The following SEC14L5 variants were observed in gnomAD, a reference collection of about 807,000 sequenced individuals.
SEC14L5 encodes the protein SEC14 like lipid binding 5, also known as SEC14-like protein 5.
A neutral mutation model predicts 84.6 loss-of-function variants in SEC14L5; 96 were observed. That is an observed-to-expected ratio of 1.13 (90% confidence interval 0.96 to 1.34). SEC14L5 has a LOEUF of 1.34. Ranked by LOEUF, SEC14L5 falls within the 40% of genes most tolerant of loss-of-function variation. The pLI, the probability that SEC14L5 is intolerant of heterozygous loss-of-function variation, is 0.00. For missense variants in SEC14L5, 1,224 were observed against 942.5 expected, an observed-to-expected ratio of 1.30 and a Z score of -3.91; for synonymous variants, 546 against 383.4, an observed-to-expected ratio of 1.42 and a Z score of -4.95.
Position 5,007,381 on chromosome 16 carries a change from C to T in SEC14L5, c.1467C>T (p.Pro489=). ...ATGTCCCCGAAGGAGGGCTGGTCCC[C>T]AAGTCCCTCTACATGACAGAAGAGG... ...VCNVPEGGLV[P]KSLYMTEEEQ... The change falls in exon 13 of 16, where the codon CCC becomes CCT. Residue 489 remains proline (P), a synonymous_variant. Coordinates refer to ENST00000251170, the MANE Select transcript of SEC14L5 (RefSeq NM_014692.2). 1 of 1,613,824 alleles carries T rather than the reference C, an allele frequency of 6.2e-7. No individual in the cohort carries two copies. The highest frequency in any genetic ancestry group is 8.5e-7 in the Non-Finnish European group (1 of 1,179,802).
At chr16:5,006,298 A>G (rs1955731605) in intron 12 of SEC14L5, among the ~76,000 whole-genome samples, 1 of 152,318 alleles carries the variant, frequency 6.6e-6, no homozygotes, top group African/African-American at 2.4e-5. Flanking sequence ...AGTGAGATAG[A>G]AGTTTCTGGA....
Position 5,011,094 on chromosome 16 carries a change from G to C in SEC14L5, c.1801-1G>C. The C allele has an allele frequency of 6.3e-7, 1 of 1,595,652 alleles. No homozygotes were observed. Among genetic ancestry groups the C allele is most frequent in the Non-Finnish European group, 8.5e-7 (1 of 1,171,504 alleles). On this transcript the variant is annotated splice_acceptor_variant, in intron 14 of 15. Transcript: ENST00000251170. LOFTEE classifies it high-confidence loss of function. ...CTCAGGGCAGGGCTGATGTGTTTCA[G>C]GGCTCCCATGTGACCCGGTGGCCCG...
intron 5 of SEC14L5, 63 bp downstream of exon 5, chr16:4,990,958 C>T (rs899903336): frequency 2.5e-5 from 35 of 1,391,434 alleles, no homozygotes; most frequent in Non-Finnish European, 3.2e-5. Flanking sequence ...CCATCAACAG[C>T]TGCATGACCC....
intron 5 of SEC14L5, 127 bp from the exon 6 acceptor site, chr16:4,991,711 C>G (rs962325046): frequency 3.6e-6 from 2 of 559,556 alleles, no homozygotes; most frequent in African/African-American, 3.9e-5. Flanking sequence ...CAGACACATC[C>G]AGCCACTCAA....
chr16:4,999,009 G>A (rs891425104), intron 8 of SEC14L5, among the ~76,000 whole-genome samples: 1 of 152,190 alleles, frequency 6.6e-6, no homozygotes, highest in Non-Finnish European at 1.5e-5. Context: ...TGCTGAAGTT[G>A]AATGACGCGG....
At chr16:4,992,412 G>A (rs1036747183) in intron 6 of SEC14L5, among the ~76,000 whole-genome samples, 1 of 152,032 alleles carries the variant, frequency 6.6e-6, no homozygotes, top group Non-Finnish European at 1.5e-5. Flanking sequence ...CACCACACCC[G>A]GCCAATTTTT....
chr16:5,018,446 C>T lies in SEC14L5; in HGVS notation c.*3476C>T, dbSNP rs2270258. 0.22 allele frequency: 33,974 copies of T among 152,078 alleles called. 4,723 individuals carry two copies. The highest frequency in any genetic ancestry group is 0.34 in the Admixed American group (5,232 of 15,270). 9.4% of individuals were successfully genotyped at this position (152,078 alleles called of 1,614,324 possible). ...CTTTGGGAGGCTGAGGCCGGCTGATCGCTTGAGTGCAGGAGTTCAAGACCA... is the reference window on the plus strand; with the variant it reads ...CTTTGGGAGGCTGAGGCCGGCTGATTGCTTGAGTGCAGGAGTTCAAGACCA... On this transcript the variant is annotated 3_prime_UTR_variant, in exon 16 of 16. Transcript: ENST00000251170.
intron 11 of SEC14L5, 51 bp downstream of exon 11, chr16:5,003,624 G>GCCA: frequency 3.3e-6 from 1 of 305,312 alleles, no homozygotes; most frequent in Non-Finnish European, 6.5e-6. Flanking sequence ...GGTGGGATGG[G>GCCA]AGGGGTTCCG....
chr16:4,974,284 T>C (rs1354696580), intron 2 of SEC14L5, among the ~76,000 whole-genome samples: 1 of 151,570 alleles, frequency 6.6e-6, no homozygotes, highest in African/African-American at 2.4e-5. Context: ...GGCAGGATCA[T>C]AGCTCACTGC....
At position 4,990,856 on chromosome 16, in the gene SEC14L5, G is replaced by A. The variant is rs1438807499; in HGVS notation, c.435G>A (p.Glu145=). 1 of 1,610,764 alleles carries A rather than the reference G, an allele frequency of 6.2e-7. No individual in the cohort carries two copies. The highest frequency in any genetic ancestry group is 1.7e-5 in the Admixed American group (1 of 59,652). The change falls in exon 5 of 16, where the codon GAG becomes GAA. Residue 145 remains glutamate, a synonymous_variant. Coordinates refer to ENST00000251170, the MANE Select transcript of SEC14L5 (RefSeq NM_014692.2). ...TCTTTGGCTTTGAAAATGCCTTGGA[G>A]AAGATCGCCATGAAGCAGTACACCG... ...RSFFGFENAL[E]KIAMKQYTAN...
intron 10 of SEC14L5, among the ~76,000 whole-genome samples, chr16:5,002,050 G>A (rs563206838): frequency 1.4e-4 from 21 of 152,290 alleles, no homozygotes; most frequent in South Asian, 2.1e-4. Flanking sequence ...GATTACAGGC[G>A]TCAGCCTCTG....
Position 4,965,531 on chromosome 16 carries a change from G to A in SEC14L5, c.63+6145G>A, listed in dbSNP as rs899798726. On this transcript the variant is annotated intron_variant, in intron 2 of 15. Transcript: ENST00000251170. ...AAAAAATTAGCCGGGTGTGGTGGCG[G>A]GCGCCTGTAGTCCCAGCTACTCGGG... 6.2e-3 allele frequency among the ~76,000 whole-genome samples: 945 copies of A among 151,440 alleles called. 10 individuals are homozygous for A. The highest frequency in any genetic ancestry group is 0.022 in the African/African-American group (908 of 41,288).
chr16:5,003,426 G>C lies in SEC14L5; in HGVS notation c.1155G>C (p.Leu385=). 1 of 1,613,354 alleles carries C rather than the reference G, an allele frequency of 6.2e-7. No individual in the cohort carries two copies. Among genetic ancestry groups the C allele is most frequent in the South Asian group, 1.1e-5 (1 of 91,076 alleles). Residue 385 remains leucine (L), a synonymous_variant, in exon 11 of 16, where the codon CTG becomes CTC. Coordinates refer to ENST00000251170, the MANE Select transcript of SEC14L5 (RefSeq NM_014692.2). Reference sequence around the variant, plus strand: ...GCTCCTGGACCTGCCTGCTAGACCTGGAGGGACTCAACATGCGGCACCTGT... The same window carrying C: ...GCTCCTGGACCTGCCTGCTAGACCTCGAGGGACTCAACATGCGGCACCTGT... The part of the protein sequence containing the change: ...PISSWTCLLD[L]EGLNMRHLWR...
At chr16:5,000,235 G>T (rs987535773) in intron 8 of SEC14L5, among the ~76,000 whole-genome samples, 3 of 152,116 alleles carry the variant, frequency 2.0e-5, no homozygotes, top group Non-Finnish European at 4.4e-5. Flanking sequence ...AGGTTACAGT[G>T]AGCCGAGATC....
chr16:5,002,755 C>CAG (rs1357339553), intron 10 of SEC14L5, among the ~76,000 whole-genome samples: 1 of 152,170 alleles, frequency 6.6e-6, no homozygotes, highest in African/African-American at 2.4e-5. Flanking sequence ...AATGGAGGCA[C>CAG]AGAGAGGTTC....
chr16:4,977,885 C>T (rs1043843386), intron 2 of SEC14L5, among the ~76,000 whole-genome samples: 1 of 151,416 alleles, frequency 6.6e-6, no homozygotes, highest in African/African-American at 2.4e-5. Flanking sequence ...ACTGCCACCT[C>T]CTCCTCTCAG....
intron 6 of SEC14L5, among the ~76,000 whole-genome samples, chr16:4,994,864 C>G (rs1955592780): frequency 1.3e-5 from 2 of 152,174 alleles, no homozygotes; most frequent in East Asian, 1.9e-4. Flanking sequence ...CCCTTCTGCC[C>G]TCTCCTGAAT....
intron 4 of SEC14L5, among the ~76,000 whole-genome samples, chr16:4,990,074 A>T (rs900407365): frequency 2.0e-5 from 3 of 151,510 alleles, no homozygotes; most frequent in East Asian, 1.9e-4. Flanking sequence ...ACAACTATTT[A>T]AAAAATCTAT....
At chr16:5,007,660 C>T (rs575423057) in intron 13 of SEC14L5, among the ~76,000 whole-genome samples, 174 bp downstream of exon 13, 2 of 144,818 alleles carry the variant, frequency 1.4e-5, no homozygotes, top group East Asian at 2.0e-4. Flanking sequence ...GGCTGGAGTG[C>T]AGTGGTGCAA....
Sources: gnomAD v4.1 joint callset for allele counts (sites outside exome capture counted in the v4.1 genomes callset) on GRCh38, gnomAD v4.1.1 for gene constraint, MANE v1.5 for transcripts, NCBI Gene and HGNC (gene_info 2026-07-23, HGNC 2026-07-21) for gene names.